The following MARCHF1 variants were observed in gnomAD, a reference collection of about 807,000 sequenced individuals.
MARCHF1 encodes membrane associated ring-CH-type finger 1.
A neutral mutation model predicts 54.2 loss-of-function variants in MARCHF1; 40 were observed. That is an observed-to-expected ratio of 0.74 (90% CI 0.57 to 0.96). The LOEUF (loss-of-function observed/expected upper bound fraction) is 0.96. Ranked by LOEUF, MARCHF1 falls within the 40% of genes least tolerant of loss-of-function variation. The probability of loss-of-function intolerance (pLI) is 0.00; values close to 1 mark genes in which losing one functional copy is unlikely to be tolerated. For synonymous variants in MARCHF1, 236 were observed against 236.3 expected (o/e 1.00, Z 0.01); for missense variants, 586 against 656.5 (o/e 0.89, Z 1.17).
rs1738637893 is a variant in MARCHF1, at chr4:163,539,169, C to T, written c.1339+6427G>A. Among the ~76,000 whole-genome samples, 2 of 152,070 alleles carry T rather than the reference C, an allele frequency of 1.3e-5. 1 individual carries two copies. The highest frequency in any genetic ancestry group is 4.1e-4 in the South Asian group (2 of 4,820). Reference sequence around the variant, plus strand: ...CTGAGTAGCTGGGACTACAGGCATGCACCACCATGCCCAGCTAAGTTTTGT... The same window carrying T: ...CTGAGTAGCTGGGACTACAGGCATGTACCACCATGCCCAGCTAAGTTTTGT... On this transcript the variant is annotated intron_variant, in intron 9 of 9. Coordinates refer to ENST00000514618, the MANE Select transcript of MARCHF1 (RefSeq NM_001394959.1).
chr4:163,984,441 A>G (rs536407400), intron 3 of MARCHF1, among the ~76,000 whole-genome samples: 112 of 152,158 alleles, frequency 7.4e-4, no homozygotes, highest in Non-Finnish European at 1.4e-3. Flanking sequence ...AGTCCCTCCC[A>G]TCATCTAAGG....
intron 3 of MARCHF1, among the ~76,000 whole-genome samples, chr4:163,921,409 T>G (rs1751427613): frequency 6.6e-6 from 1 of 152,150 alleles, no homozygotes. Context: ...TAGAAGCTTA[T>G]ATTCATATTA....
intron 5 of MARCHF1, among the ~76,000 whole-genome samples, chr4:163,636,610 G>C (rs945869621): frequency 6.5e-4 from 99 of 151,744 alleles, no homozygotes; most frequent in African/African-American, 2.2e-3. Flanking sequence ...ACAAACAAAT[G>C]GAAGAACATT....
intron 4 of MARCHF1, among the ~76,000 whole-genome samples, chr4:163,773,854 A>G (rs1365677356): frequency 6.6e-6 from 1 of 151,140 alleles, no homozygotes; most frequent in Non-Finnish European, 1.5e-5. Flanking sequence ...TTCCCTTAAG[A>G]TAAGTTCATA....
At chr4:163,709,952 GATA>G (rs979998813) in intron 4 of MARCHF1, among the ~76,000 whole-genome samples, 1 of 152,152 alleles carries the variant, frequency 6.6e-6, no homozygotes, top group Non-Finnish European at 1.5e-5. Context: ...GTGCTAGAAA[GATA>G]ATAAGGACAA....
intron 5 of MARCHF1, chr4:163,613,622 T>C (rs1741423732): frequency 7.0e-7 from 1 of 1,427,736 alleles, no homozygotes; most frequent in Admixed American, 3.0e-5. Flanking sequence ...GTTACTTCAT[T>C]TACGAGAGAG....
intron 1 of MARCHF1, among the ~76,000 whole-genome samples, chr4:164,224,998 C>A (rs534018264): frequency 3.8e-4 from 58 of 152,094 alleles, no homozygotes; most frequent in African/African-American, 1.4e-3. Context: ...TTCTTCAGGG[C>A]TGGATTGGTT....
intron 5 of MARCHF1, among the ~76,000 whole-genome samples, chr4:163,656,362 G>T (rs1258111873): frequency 6.6e-6 from 1 of 151,950 alleles, no homozygotes; most frequent in African/African-American, 2.4e-5. Context: ...CCAGGAAGAA[G>T]TTGAATCCCT....
intron 1 of MARCHF1, among the ~76,000 whole-genome samples, chr4:164,245,434 T>C (rs1239669241): frequency 6.6e-6 from 1 of 152,226 alleles, no homozygotes; most frequent in Admixed American, 6.5e-5. Flanking sequence ...AAATTAGGTA[T>C]TGATGGGACA....
intron 2 of MARCHF1, among the ~76,000 whole-genome samples, chr4:164,105,268 T>G (rs1264067706): frequency 1.7e-4 from 17 of 98,336 alleles, no homozygotes; most frequent in African/African-American, 3.3e-4. Context: ...AAAACTACTT[T>G]AAAGTTCATA....
At chr4:163,838,781 A>G (rs1485411950) in intron 4 of MARCHF1, among the ~76,000 whole-genome samples, 1 of 152,190 alleles carries the variant, frequency 6.6e-6, no homozygotes, top group African/African-American at 2.4e-5. Context: ...TAAATGTGAG[A>G]GCTGACACTA....
chr4:163,702,922 A>G (rs1744849342), intron 4 of MARCHF1, among the ~76,000 whole-genome samples: 1 of 152,178 alleles, frequency 6.6e-6, no homozygotes, highest in Non-Finnish European at 1.5e-5. Flanking sequence ...AACACGTGGT[A>G]GGACAGTGGT....
At chr4:164,104,027 A>C (rs1264492335) in intron 2 of MARCHF1, among the ~76,000 whole-genome samples, 13 of 151,690 alleles carry the variant, frequency 8.6e-5, no homozygotes, top group Admixed American at 3.9e-4. Context: ...GAAATGGATA[A>C]ATTCCTGGAC....
chr4:164,183,795 G>A (rs942198633), intron 1 of MARCHF1, among the ~76,000 whole-genome samples: 5 of 152,160 alleles, frequency 3.3e-5, no homozygotes, highest in Non-Finnish European at 7.4e-5. Context: ...GAATTCATGA[G>A]ACATAAAGGT....
At chr4:163,976,001 G>A (rs1307120876) in intron 3 of MARCHF1, among the ~76,000 whole-genome samples, 1 of 152,090 alleles carries the variant, frequency 6.6e-6, no homozygotes, top group Admixed American at 6.6e-5. Context: ...CATCTTATTT[G>A]AAATGCAAGC....
chr4:163,850,224 C>A (rs1389461362), intron 4 of MARCHF1, among the ~76,000 whole-genome samples: 1 of 152,138 alleles, frequency 6.6e-6, no homozygotes, highest in Admixed American at 6.5e-5. Flanking sequence ...AGAAGTGCAC[C>A]CCCTTCAGGG....
chr4:164,015,870 A>T (rs1041306658), intron 2 of MARCHF1, among the ~76,000 whole-genome samples: 71 of 151,970 alleles, frequency 4.7e-4, no homozygotes, highest in Non-Finnish European at 6.9e-4. Flanking sequence ...ACCAACATAC[A>T]GCAACTATGG....
chr4:164,073,557 G>C (rs1431943707), intron 2 of MARCHF1, among the ~76,000 whole-genome samples: 1 of 151,976 alleles, frequency 6.6e-6, no homozygotes, highest in Non-Finnish European at 1.5e-5. Flanking sequence ...ATGACAGGTT[G>C]CTAGGTGCAG....
At chr4:164,315,254 A>C (rs1230184862) in intron 1 of MARCHF1, among the ~76,000 whole-genome samples, 1 of 149,810 alleles carries the variant, frequency 6.7e-6, no homozygotes, top group Non-Finnish European at 1.5e-5. Context: ...AAAAAAAAGA[A>C]TTCCACAGAC....
Sources: allele counts gnomAD v4.1 joint callset (sites outside exome capture counted in the v4.1 genomes callset), GRCh38; gene constraint gnomAD v4.1.1; transcripts MANE v1.5; gene names NCBI Gene and HGNC (gene_info 2026-07-23, HGNC 2026-07-21).